PRKCZ: variants seen among roughly 807,000 people sequenced by gnomAD.
PRKCZ encodes protein kinase C zeta type.
A neutral mutation model predicts 79.5 loss-of-function variants in PRKCZ; 33 were observed. The ratio of observed to expected loss-of-function variants is 0.41; its 90% confidence interval spans 0.31 to 0.55. The LOEUF is 0.55. Among genes scored for constraint, PRKCZ ranks in the 20% least tolerant of loss-of-function variants. The probability of loss-of-function intolerance (pLI) is 0.19; values close to 1 mark genes in which losing one functional copy is unlikely to be tolerated. For missense variants in PRKCZ, 578 were observed against 813.5 expected (o/e 0.71, Z 3.52); for synonymous variants, 342 against 320.9 (o/e 1.07, Z -0.70).
intron 4 of PRKCZ, among the ~76,000 whole-genome samples, chr1:2,070,957 A>C (rs956614671): frequency 1.3e-5 from 2 of 150,676 alleles, no homozygotes; most frequent in African/African-American, 5.0e-5. Context: ...CCTAGGGCAG[A>C]GAGGGGTCCT....
intron 10 of PRKCZ, among the ~76,000 whole-genome samples, chr1:2,157,518 A>G (rs1681303555): frequency 6.6e-6 from 1 of 152,042 alleles, no homozygotes; most frequent in Admixed American, 6.5e-5. Context: ...CCTGGGTTCA[A>G]GCAATTCTCC....
At chr1:2,124,634 C>T (rs557504290) in intron 4 of PRKCZ, among the ~76,000 whole-genome samples, 7 of 152,214 alleles carry the variant, frequency 4.6e-5, no homozygotes, top group African/African-American at 1.4e-4. Flanking sequence ...TCACTTAAGC[C>T]GCCCAGTCTG....
chr1:2,169,453 C>T, intron 10 of PRKCZ, 65 bp from the exon 11 acceptor site: 3 of 1,414,210 alleles, frequency 2.1e-6, no homozygotes, highest in Non-Finnish European at 2.0e-6. Flanking sequence ...TTCTGTGGGG[C>T]TTCTGTCTAA....
At chr1:2,130,725 T>C (rs976958074) in intron 4 of PRKCZ, among the ~76,000 whole-genome samples, 1 of 151,828 alleles carries the variant, frequency 6.6e-6, no homozygotes, top group Non-Finnish European at 1.5e-5. Flanking sequence ...GTGGGCAGTC[T>C]GCTTCCCCCA....
intron 4 of PRKCZ, among the ~76,000 whole-genome samples, chr1:2,123,484 G>T: frequency 7.9e-5 from 1 of 12,720 alleles, no homozygotes; most frequent in Middle Eastern, 0.029. Flanking sequence ...TGGTGGTTAG[G>T]GTTGTGGTGG....
At chr1:2,180,106 C>T (rs1686264360) in intron 16 of PRKCZ, among the ~76,000 whole-genome samples, 1 of 152,166 alleles carries the variant, frequency 6.6e-6, no homozygotes, top group African/African-American at 2.4e-5. Flanking sequence ...CTACCCAGGG[C>T]CAACCTGTGT....
chr1:2,104,161 G>A (rs1023459830), intron 4 of PRKCZ, among the ~76,000 whole-genome samples: 1 of 152,184 alleles, frequency 6.6e-6, no homozygotes, highest in Non-Finnish European at 1.5e-5. Flanking sequence ...GGGGCAAGGC[G>A]GGGTGAGCAG....
chr1:2,073,738 G>T (rs975707246), intron 4 of PRKCZ: 2 of 1,000,006 alleles, frequency 2.0e-6, no homozygotes, highest in Non-Finnish European at 2.4e-6. Flanking sequence ...GGGATGTGAG[G>T]GGCGGGGGAC....
At position 2,185,383 on chromosome 1, in the gene PRKCZ, C is replaced by A. The variant is rs752679845; in HGVS notation, c.*374C>A. ...TAGCGTCCTGAGGAATAAAATGTTCCGATGATGTGGAAGCTCCTCTGATGC... is the reference window on the plus strand; with the variant it reads ...TAGCGTCCTGAGGAATAAAATGTTCAGATGATGTGGAAGCTCCTCTGATGC... On this transcript the variant is annotated 3_prime_UTR_variant, in exon 18 of 18. Coordinates refer to ENST00000378567, the MANE Select transcript of PRKCZ (RefSeq NM_002744.6). The A allele has an allele frequency of 1.4e-6, 1 of 718,676 alleles. No homozygotes were observed. Among genetic ancestry groups the A allele is most frequent in the African/African-American group, 1.7e-5 (1 of 57,240 alleles). The allele number at this position is 718,676 out of a possible 1,614,324, so 44.5% of individuals were successfully genotyped here.
At chr1:2,118,713 C>CTGTGTGTGTGTGTG (rs770283606) in intron 4 of PRKCZ, among the ~76,000 whole-genome samples, 150 of 120,720 alleles carry the variant, frequency 1.2e-3, no homozygotes, top group East Asian at 2.9e-3. Context: ...CACACCAGCT[C>CTGTGTGTGTGTGTG]TGTGTGTGTG....
At chr1:2,065,678 CAAAAAAAA>C (rs61017134) in intron 4 of PRKCZ, among the ~76,000 whole-genome samples, 1 of 56,106 alleles carries the variant, frequency 1.8e-5, no homozygotes, top group African/African-American at 6.2e-5. Flanking sequence ...GACTCTGTCT[CAAAAAAAA>C]AAAAAAAAAA....
intron 4 of PRKCZ, among the ~76,000 whole-genome samples, chr1:2,070,816 G>C (rs866777133): frequency 5.3e-4 from 80 of 152,012 alleles, no homozygotes; most frequent in African/African-American, 1.8e-3. Context: ...CGGGGGCCGG[G>C]GTGGGCCAGG....
At chr1:2,170,928 C>T (rs936369628) in intron 11 of PRKCZ, among the ~76,000 whole-genome samples, 1 of 152,228 alleles carries the variant, frequency 6.6e-6, no homozygotes, top group African/African-American at 2.4e-5. Context: ...ACATGTTGGC[C>T]ATGGTGAACA....
chr1:2,169,422 G>T lies in PRKCZ; in HGVS notation c.975-96G>T, dbSNP rs768676867. ...TTTGCAAGACTGAACCTGCGGGAGG[G>T]TTCGGGCCCACGAAGGCCGCTTCTG... On this transcript the variant is annotated intron_variant, in intron 10 of 17. Coordinates refer to ENST00000378567, the MANE Select transcript of PRKCZ (RefSeq NM_002744.6). 9.4e-6 allele frequency: 10 copies of T among 1,060,472 alleles called. No individual in the cohort carries two copies. In the South Asian group the frequency reaches 1.4e-4, roughly 14 times the overall value. 65.7% of individuals were successfully genotyped at this position (1,060,472 alleles called of 1,614,324 possible).
chr1:2,172,399 C>A lies in PRKCZ; in HGVS notation c.1285+11C>A. On this transcript the variant is annotated intron_variant, in intron 13 of 17. Transcript: ENST00000378567. The surrounding 1 kb of genome is among the most constrained non-coding windows in gnomAD (Gnocchi z 7.8). Reference sequence around the variant, plus strand: ...GGGGAGAGGAGTACGGTGAGTGCCGCTGCCCTGGCCCCTCTCGGAGCACAC... The same window carrying A: ...GGGGAGAGGAGTACGGTGAGTGCCGATGCCCTGGCCCCTCTCGGAGCACAC... 6.2e-7 allele frequency: 1 copy of A among 1,608,534 alleles called. No homozygotes were observed. The highest frequency in any genetic ancestry group is 1.3e-5 in the African/African-American group (1 of 74,958).
At chr1:2,103,534 A>G (rs1667855528) in intron 4 of PRKCZ, among the ~76,000 whole-genome samples, 1 of 152,312 alleles carries the variant, frequency 6.6e-6, no homozygotes, top group African/African-American at 2.4e-5. Context: ...TCCAAGCTCC[A>G]TCAGTCATGC....
chr1:2,074,585 G>A (rs1662041904), intron 4 of PRKCZ: 6 of 513,978 alleles, frequency 1.2e-5, no homozygotes, highest in Non-Finnish European at 2.1e-5. Context: ...CCAGGCCTGC[G>A]GTCTTTCCGT....
intron 1 of PRKCZ, among the ~76,000 whole-genome samples, chr1:2,052,967 C>A (rs546262486): frequency 6.6e-6 from 1 of 152,222 alleles, no homozygotes. Context: ...CACCCCACCC[C>A]GCCCCCTGTG....
intron 16 of PRKCZ, among the ~76,000 whole-genome samples, chr1:2,181,442 C>T (rs1686593655): frequency 1.3e-5 from 2 of 152,242 alleles, no homozygotes; most frequent in Admixed American, 1.3e-4. Flanking sequence ...CAGCGTCCGA[C>T]CTGGGGCCAG....
Sources: gnomAD v4.1 joint callset for allele counts (sites outside exome capture counted in the v4.1 genomes callset) on GRCh38, gnomAD v4.1.1 for gene constraint, Gnocchi (gnomAD v3.1) non-coding constraint, MANE v1.5 for transcripts, NCBI Gene and HGNC (gene_info 2026-07-23, HGNC 2026-07-21) for gene names.